Variants in TAS1R1 observed in about 807,000 individuals in gnomAD.
TAS1R1 encodes the protein taste 1 receptor member 1, also known as taste receptor type 1 member 1.
TAS1R1 carries 31 observed loss-of-function variants against 45.8 expected under a neutral mutation model. The observed-to-expected ratio is 0.68, with a 90% CI of 0.51 to 0.91. The LOEUF (loss-of-function observed/expected upper bound fraction) is 0.91, where lower values mean the gene tolerates loss of function less well. Among genes scored for constraint, TAS1R1 ranks in the 40% least tolerant of loss-of-function variants. TAS1R1 has a pLI of 0.00. For missense variants in TAS1R1, 1,051 were observed against 1,063.9 expected (o/e 0.99, Z 0.17); for synonymous variants, 437 against 448.4 (o/e 0.97, Z 0.32).
intron 1 of TAS1R1, among the ~76,000 whole-genome samples, chr1:6,557,206 G>A (rs1242695797): frequency 6.6e-6 from 1 of 151,584 alleles, no homozygotes; most frequent in Non-Finnish European, 1.5e-5. Context: ...CTAGAAACCT[G>A]GATAAAGAGA....
At chr1:6,561,436 G>T (rs1234894125) in intron 1 of TAS1R1, among the ~76,000 whole-genome samples, 1 of 152,184 alleles carries the variant, frequency 6.6e-6, no homozygotes, top group Non-Finnish European at 1.5e-5. Context: ...CTGGGGCCGG[G>T]CACGGTAGCT....
In TAS1R1 at chr1:6,574,554, C is replaced by T; in HGVS notation, c.499-77C>T. On this transcript the variant is annotated intron_variant, in intron 2 of 5. Coordinates refer to ENST00000333172, the MANE Select transcript of TAS1R1 (RefSeq NM_138697.4). The surrounding 1 kb of genome is among the most constrained non-coding windows in gnomAD (Gnocchi z 4.3). Reference sequence around the variant, plus strand: ...TCCTGGTCTCCCCGGCTCCCTGTATCCCCACACCCAGCACAGGGCCAGGCA... The same window carrying T: ...TCCTGGTCTCCCCGGCTCCCTGTATTCCCACACCCAGCACAGGGCCAGGCA... 8 of 1,512,588 alleles carry T rather than the reference C, an allele frequency of 5.3e-6. No homozygotes were observed. Among genetic ancestry groups the T allele is most frequent in the South Asian group, 3.9e-5 (3 of 76,934 alleles). 93.7% of individuals were successfully genotyped at this position (1,512,588 alleles called of 1,614,324 possible).
In TAS1R1 at chr1:6,555,340, C is replaced by T; in HGVS notation, c.-34C>T. ...GCAACTGGCCTCCTTAGAGGCCACT[C>T]CTTGGCCATGCCAGGCGCGGGCATC... On this transcript the variant is annotated 5_prime_UTR_variant, in exon 1 of 6. Coordinates refer to ENST00000333172, the MANE Select transcript of TAS1R1 (RefSeq NM_138697.4). 1 of 1,535,734 alleles carries T rather than the reference C, an allele frequency of 6.5e-7. No homozygotes were observed. Among genetic ancestry groups the T allele is most frequent in the Non-Finnish European group, 8.8e-7 (1 of 1,138,146 alleles).
chr1:6,563,133 T>C (rs1415100900), intron 1 of TAS1R1, among the ~76,000 whole-genome samples: 1 of 152,156 alleles, frequency 6.6e-6, no homozygotes, highest in Non-Finnish European at 1.5e-5. Flanking sequence ...AAAATCTTGA[T>C]TGTTTAGTAA....
intron 3 of TAS1R1, among the ~76,000 whole-genome samples, chr1:6,575,984 G>A (rs535625278): frequency 2.8e-4 from 42 of 151,592 alleles, no homozygotes; most frequent in Non-Finnish European, 5.5e-4. Flanking sequence ...GTGAGCCACC[G>A]CACCCGGCCT....
chr1:6,574,665 T>C lies in TAS1R1; in HGVS notation c.533T>C (p.Val178Ala). ...SYAASSETLSVKRQYPSFLRT... is the reference protein window; with the variant it reads ...SYAASSETLSAKRQYPSFLRT... ...GCGGCCAGCAGCGAGACGCTCAGCGTGAAGCGGCAGTATCCCTCTTTCCTG... is the reference window on the plus strand; with the variant it reads ...GCGGCCAGCAGCGAGACGCTCAGCGCGAAGCGGCAGTATCCCTCTTTCCTG... Residue 178 changes from valine (V) to alanine (A), a missense_variant, in exon 3 of 6, where the codon GTG becomes GCG. Transcript: ENST00000333172. The surrounding 1 kb of genome is among the most constrained non-coding windows in gnomAD (Gnocchi z 4.3). The C allele has an allele frequency of 6.2e-7, 1 of 1,612,802 alleles. No homozygotes were observed. Among genetic ancestry groups the C allele is most frequent in the South Asian group, 1.1e-5 (1 of 90,978 alleles).
intron 1 of TAS1R1, among the ~76,000 whole-genome samples, chr1:6,560,480 T>C (rs985231027): frequency 6.6e-6 from 1 of 152,180 alleles, no homozygotes; most frequent in African/African-American, 2.4e-5. Flanking sequence ...ACCCACTTCC[T>C]GGTCGATGGG....
intron 2 of TAS1R1, 48 bp downstream of exon 2, chr1:6,571,263 G>A (rs371088376): frequency 6.6e-7 from 1 of 1,509,382 alleles, no homozygotes; most frequent in African/African-American, 1.4e-5. Flanking sequence ...AGGCAAGTCT[G>A]GGCTGGGGCA....
intron 5 of TAS1R1, among the ~76,000 whole-genome samples, chr1:6,578,276 A>G (rs923436212): frequency 6.6e-6 from 1 of 152,202 alleles, no homozygotes; most frequent in Non-Finnish European, 1.5e-5. Flanking sequence ...GCAGCTCAGG[A>G]AAGTGGTTCA....
Position 6,555,478 on chromosome 1 carries a change from C to A in TAS1R1, c.105C>A (p.Pro35=). The A allele has an allele frequency of 1.3e-6, 2 of 1,592,324 alleles. No homozygotes were observed. Among genetic ancestry groups the A allele is most frequent in the African/African-American group, 1.3e-5 (1 of 74,522 alleles). Residue 35 remains proline, a synonymous_variant, in exon 1 of 6, where the codon CCC becomes CCA. Coordinates refer to ENST00000333172, the MANE Select transcript of TAS1R1 (RefSeq NM_138697.4). ...AGTCTTCTCCTGACTTCACCCTCCCCGGAGATTACCTCCTGGCAGGCCTGT... is the reference window on the plus strand; with the variant it reads ...AGTCTTCTCCTGACTTCACCCTCCCAGGAGATTACCTCCTGGCAGGCCTGT... The part of the protein sequence containing the change: ...STESSPDFTL[P]GDYLLAGLFP...
Position 6,579,113 on chromosome 1 carries a change from C to G in TAS1R1, c.2055C>G (p.Ile685Met). 6.2e-7 allele frequency: 1 copy of G among 1,614,194 alleles called. No individual in the cohort carries two copies. The change falls in exon 6 of 6, where the codon ATC becomes ATG. Residue 685 changes from isoleucine (I) to methionine (M), a missense_variant. Ile to Met is a conservative substitution (Grantham distance 10). Coordinates refer to ENST00000333172, the MANE Select transcript of TAS1R1 (RefSeq NM_138697.4). ...QNHGAGLFVMISSAAQLLICL... is the reference protein window; with the variant it reads ...QNHGAGLFVMMSSAAQLLICL... ...ACGGTGCTGGCCTGTTTGTGATGAT[C>G]AGCTCAGCGGCCCAGCTGCTTATCT...
At chr1:6,564,276 T>G (rs1450095946) in intron 1 of TAS1R1, among the ~76,000 whole-genome samples, 1 of 152,130 alleles carries the variant, frequency 6.6e-6, no homozygotes, top group African/African-American at 2.4e-5. Context: ...AGACATGTTC[T>G]CCTAGAAGGA....
intron 1 of TAS1R1, among the ~76,000 whole-genome samples, chr1:6,567,745 AGG>A (rs1412755985): frequency 6.6e-6 from 1 of 151,852 alleles, no homozygotes; most frequent in East Asian, 1.9e-4. Flanking sequence ...ACTCAAGGGG[AGG>A]TGATTCTGAG....
Position 6,579,276 on chromosome 1 carries a change from A to G in TAS1R1, c.2218A>G (p.Ile740Val). 6.2e-7 allele frequency: 1 copy of G among 1,614,096 alleles called. No individual in the cohort carries two copies. Among genetic ancestry groups the G allele is most frequent in the Non-Finnish European group, 8.5e-7 (1 of 1,180,016 alleles). ...CTTCCTCTACAATGGCCTCCTCTCC[A>G]TCAGTGCCTTTGCCTGCAGCTACCT... is the stretch of plus-strand genomic sequence containing the variant. ...LAFLYNGLLS[I>V]SAFACSYLGK... The change falls in exon 6 of 6, where the codon ATC becomes GTC. Residue 740 changes from isoleucine to valine, a missense_variant. Ile to Val is a conservative substitution (Grantham distance 29). Coordinates refer to ENST00000333172, the MANE Select transcript of TAS1R1 (RefSeq NM_138697.4).
chr1:6,576,440 A>C lies in TAS1R1; in HGVS notation c.1286A>C (p.His429Pro). ...WQLLEQIHKV[H>P]FLLHKDTVAF... ...CTTTTGGAGCAGATCCACAAGGTGC[A>C]TTTCCTTCTACACAAGGACACTGTG... Residue 429 changes from histidine to proline, a missense_variant, in exon 4 of 6, where the codon CAT becomes CCT. Physicochemically the swap from His to Pro is moderately conservative, Grantham distance 77 (BLOSUM62 -2). Transcript: ENST00000333172. 4.3e-6 allele frequency: 7 copies of C among 1,614,216 alleles called. No individual in the cohort carries two copies. Among genetic ancestry groups the C allele is most frequent in the East Asian group, 4.5e-5 (2 of 44,886 alleles).
Position 6,575,284 on chromosome 1 carries a change from T to C in TAS1R1, c.1152T>C (p.Ser384=). Residue 384 remains serine, a synonymous_variant, in exon 3 of 6, where the codon AGT becomes AGC. Coordinates refer to ENST00000333172, the MANE Select transcript of TAS1R1 (RefSeq NM_138697.4). Reference sequence around the variant, plus strand: ...CCAAGCTCAAAGCCTTCTCCATGAGTTCTGCCTACAACGCATACCGGGCTG... The same window carrying C: ...CCAAGCTCAAAGCCTTCTCCATGAGCTCTGCCTACAACGCATACCGGGCTG... ...TMPKLKAFSM[S]SAYNAYRAVY... is the part of the protein sequence containing the mutation. 6.2e-7 allele frequency: 1 copy of C among 1,613,074 alleles called. No individual in the cohort carries two copies. The highest frequency in any genetic ancestry group is 8.5e-7 in the Non-Finnish European group (1 of 1,179,990).
chr1:6,571,159 A>G lies in TAS1R1; in HGVS notation c.442A>G (p.Ser148Gly). 1 of 1,606,576 alleles carries G rather than the reference A, an allele frequency of 6.2e-7. No individual in the cohort carries two copies. The highest frequency in any genetic ancestry group is 1.3e-5 in the African/African-American group (1 of 74,980). The change falls in exon 2 of 6, where the codon AGC becomes GGC. Residue 148 changes from serine to glycine, a missense_variant. Physicochemically the swap from Ser to Gly is moderately conservative, Grantham distance 56 (BLOSUM62 0). Coordinates refer to ENST00000333172, the MANE Select transcript of TAS1R1 (RefSeq NM_138697.4). ...GGTGCTGGCAGTGATTGGGCCTGAC[A>G]GCACCAACCGTGCTGCCACCACAGC... ...PTVLAVIGPDSTNRAATTAAL... is the reference protein window; with the variant it reads ...PTVLAVIGPDGTNRAATTAAL...
At chr1:6,576,815 G>T in intron 4 of TAS1R1, 135 bp from the exon 5 acceptor site, 3 of 1,474,740 alleles carry the variant, frequency 2.0e-6, no homozygotes, top group Admixed American at 3.6e-5. Context: ...CCCTGGGGCG[G>T]AAGTTCACAC....
chr1:6,572,969 C>G (rs1454676021), intron 2 of TAS1R1, among the ~76,000 whole-genome samples: 1 of 152,180 alleles, frequency 6.6e-6, no homozygotes, highest in Non-Finnish European at 1.5e-5. Context: ...CACTGCTGCT[C>G]CTCCTTGCCC....
Sources: allele counts gnomAD v4.1 joint callset (sites outside exome capture counted in the v4.1 genomes callset), GRCh38; gene constraint gnomAD v4.1.1; non-coding constraint Gnocchi (gnomAD v3.1); transcripts MANE v1.5; gene names NCBI Gene and HGNC (gene_info 2026-07-23, HGNC 2026-07-21).